The following CLDN10 variants were observed in gnomAD, a reference collection of about 807,000 sequenced individuals.
CLDN10 encodes claudin-10.
In CLDN10, 15 loss-of-function variants were observed where a neutral mutation model predicts 22.9. The observed-to-expected ratio is 0.65, with a 90% CI of 0.44 to 1.01. The LOEUF (loss-of-function observed/expected upper bound fraction) is 1.01. CLDN10 is among the 50% of genes least tolerant of loss of function. CLDN10 has a pLI of 0.00. For synonymous variants in CLDN10, 114 were observed against 111.4 expected (o/e 1.02, Z -0.15); for missense variants, 247 against 287.8 (o/e 0.86, Z 1.03).
intron 1 of CLDN10, among the ~76,000 whole-genome samples, chr13:95,476,768 T>G (rs2042689645): frequency 6.6e-6 from 1 of 151,868 alleles, no homozygotes. Flanking sequence ...GGCCTCACTA[T>G]GAAATAACAG....
intron 3 of CLDN10, among the ~76,000 whole-genome samples, chr13:95,566,448 C>T (rs1023194964): frequency 6.6e-6 from 1 of 152,286 alleles, no homozygotes. Flanking sequence ...TGTTCATATC[C>T]TTTGCCCACT....
chr13:95,458,562 A>G (rs2042505401), intron 1 of CLDN10, among the ~76,000 whole-genome samples: 1 of 152,202 alleles, frequency 6.6e-6, no homozygotes, highest in Non-Finnish European at 1.5e-5. Context: ...AGAACCTCTT[A>G]TAAAACTATC....
At chr13:95,538,854 GTTGT>G (rs2043429095) in intron 1 of CLDN10, among the ~76,000 whole-genome samples, 1 of 152,100 alleles carries the variant, frequency 6.6e-6, no homozygotes, top group African/African-American at 2.4e-5. Context: ...AAGTACTCAA[GTTGT>G]TTGATAATGC....
chr13:95,534,394 A>C (rs528145126), intron 1 of CLDN10, among the ~76,000 whole-genome samples: 4 of 152,334 alleles, frequency 2.6e-5, no homozygotes, highest in South Asian at 2.1e-4. Context: ...TAGAATTATA[A>C]AATCTTATGT....
chr13:95,466,574 T>C (rs2042583012), intron 1 of CLDN10, among the ~76,000 whole-genome samples: 2 of 151,632 alleles, frequency 1.3e-5, no homozygotes, highest in Admixed American at 6.6e-5. Context: ...CCTCATGAGA[T>C]AAAGGAGAAC....
At chr13:95,517,363 C>T (rs1004128055) in intron 1 of CLDN10, among the ~76,000 whole-genome samples, 18 of 152,032 alleles carry the variant, frequency 1.2e-4, no homozygotes, top group Non-Finnish European at 1.8e-4. Flanking sequence ...GGGGTAGACA[C>T]CCCCCGAACC....
intron 3 of CLDN10, among the ~76,000 whole-genome samples, chr13:95,567,832 G>C (rs928681435): frequency 3.9e-5 from 6 of 152,204 alleles, no homozygotes; most frequent in East Asian, 3.9e-4. Flanking sequence ...TAGCATGAAG[G>C]GCTGTTGAAT....
rs181048146 is a variant in CLDN10, at chr13:95,490,434, C to T, written c.214+56387C>T. 1.1e-3 allele frequency among the ~76,000 whole-genome samples: 170 copies of T among 152,202 alleles called. 1 individual carries two copies. The highest frequency in any genetic ancestry group is 3.9e-3 in the African/African-American group (162 of 41,554). On this transcript the variant is annotated intron_variant, in intron 1 of 4. Transcript: ENST00000376873. ...AGTTTTCCTTGAAGAGGCCTTTCGA[C>T]TCTGTATCCCAGGGGTTTTGATAGG...
At chr13:95,569,969 C>T (rs956594299) in intron 3 of CLDN10, among the ~76,000 whole-genome samples, 2 of 152,128 alleles carry the variant, frequency 1.3e-5, no homozygotes, top group East Asian at 1.9e-4. Context: ...GGGGTTTCAC[C>T]GTGTTAGCCA....
intron 1 of CLDN10, among the ~76,000 whole-genome samples, chr13:95,515,343 C>A (rs928591106): frequency 2.0e-5 from 3 of 152,168 alleles, no homozygotes; most frequent in Admixed American, 1.3e-4. Context: ...AAATTACATG[C>A]GTGCACCACC....
intron 1 of CLDN10, among the ~76,000 whole-genome samples, chr13:95,463,285 AATATATAT>A (rs200962205): frequency 0.016 from 640 of 40,060 alleles, 27 homozygotes; most frequent in African/African-American, 0.045. Flanking sequence ...GCAAATGCTT[AATATATAT>A]ATATATATAT....
At position 95,475,218 on chromosome 13, in the gene CLDN10, T is replaced by C. The variant is rs567203277; in HGVS notation, c.214+41171T>C. ...TTAAGAGCCCACCCCTGCCCCCTGC[T>C]GCCTGCTCCCTTGCACTCTACATAT... On this transcript the variant is annotated intron_variant, in intron 1 of 4. Coordinates refer to the CLDN10 transcript ENST00000376873. 2.6e-3 allele frequency among the ~76,000 whole-genome samples: 394 copies of C among 152,314 alleles called. 3 individuals carry two copies. Among genetic ancestry groups the C allele is most frequent in the African/African-American group, 9.1e-3 (380 of 41,570 alleles).
intron 1 of CLDN10, among the ~76,000 whole-genome samples, chr13:95,492,532 C>T (rs568684003): frequency 6.6e-6 from 1 of 152,202 alleles, no homozygotes; most frequent in African/African-American, 2.4e-5. Flanking sequence ...CCAACAGCCT[C>T]GAGTCTGTTT....
At position 95,483,976 on chromosome 13, in the gene CLDN10, A is replaced by T. The variant is rs113428092; in HGVS notation, c.214+49929A>T. The stretch of plus-strand genomic sequence containing the variant: ...GACACCCCAGAGAGGTCCCTCCCTT[A>T]TCCCTTCCACCACATGAGGATACAG... On this transcript the variant is annotated intron_variant, in intron 1 of 4. Coordinates refer to the CLDN10 transcript ENST00000376873. Among the ~76,000 whole-genome samples, 115 of 152,296 alleles carry T rather than the reference A, an allele frequency of 7.6e-4. 1 individual carries two copies. The highest frequency in any genetic ancestry group is 2.6e-3 in the African/African-American group (110 of 41,564).
intron 1 of CLDN10, among the ~76,000 whole-genome samples, chr13:95,438,183 A>T (rs997654774): frequency 1.3e-5 from 2 of 152,176 alleles, no homozygotes; most frequent in African/African-American, 4.8e-5. Flanking sequence ...CCTCCTGAGT[A>T]GCTGGGACTA....
chr13:95,565,292 G>C (rs2043770899), intron 3 of CLDN10, among the ~76,000 whole-genome samples: 1 of 152,154 alleles, frequency 6.6e-6, no homozygotes, highest in African/African-American at 2.4e-5. Flanking sequence ...ATAAACCATT[G>C]CAAGTAAGAA....
chr13:95,545,732 A>G (rs1303849545), intron 1 of CLDN10, among the ~76,000 whole-genome samples: 1 of 152,088 alleles, frequency 6.6e-6, no homozygotes, highest in Non-Finnish European at 1.5e-5. Flanking sequence ...AAATATTTTC[A>G]CCAGAAAATG....
intron 1 of CLDN10, among the ~76,000 whole-genome samples, chr13:95,539,701 A>C (rs184001339): frequency 1.7e-3 from 253 of 152,368 alleles, no homozygotes; most frequent in Non-Finnish European, 1.2e-3. Context: ...TCCTGAGAAC[A>C]CTTACATATT....
intron 4 of CLDN10, among the ~76,000 whole-genome samples, 188 bp downstream of exon 4, chr13:95,577,526 G>A (rs368180801): frequency 5.9e-5 from 9 of 152,146 alleles, no homozygotes; most frequent in Non-Finnish European, 1.3e-4. Flanking sequence ...AAATTCTAAC[G>A]TAGAAATAAG....
Sources: gnomAD v4.1 joint callset for allele counts (sites outside exome capture counted in the v4.1 genomes callset) on GRCh38, gnomAD v4.1.1 for gene constraint, MANE v1.5 for transcripts, NCBI Gene and HGNC (gene_info 2026-07-23, HGNC 2026-07-21) for gene names.